AQP7B: variants seen among roughly 807,000 people sequenced by gnomAD.
AQP7B encodes aquaporin 7B.
At chr2:94,588,558 C>T in the AQP7B span, 1 of 808,004 alleles carries the variant, frequency 1.2e-6, no homozygotes, top group Admixed American at 2.2e-5. Flanking sequence ...GTAAGTACCC[C>T]ACCCTCTTCT....
the AQP7B span, among the ~76,000 whole-genome samples, chr2:94,597,674 G>A: frequency 6.7e-3 from 978 of 145,440 alleles, 13 homozygotes; most frequent in African/African-American, 0.024. Flanking sequence ...GTGCAATCTC[G>A]GCTCACTGCA....
the AQP7B span, among the ~76,000 whole-genome samples, chr2:94,590,048 C>A: frequency 1.3e-5 from 2 of 152,224 alleles, no homozygotes; most frequent in East Asian, 3.8e-4. Context: ...CCCCTGAGCT[C>A]CCCCAGTCCC....
chr2:94,604,375 C>A, the AQP7B span: 39 of 1,611,512 alleles, frequency 2.4e-5, no homozygotes, highest in Non-Finnish European at 3.2e-5. Context: ...TCTTCATTGG[C>A]TCCACCATCC....
chr2:94,594,923 A>G, the AQP7B span: 30 of 1,099,822 alleles, frequency 2.7e-5, no homozygotes, highest in African/African-American at 3.1e-4. Flanking sequence ...AGGGCTGTCC[A>G]TGACCCCCTC....
the AQP7B span, chr2:94,602,545 C>T: frequency 1.2e-6 from 2 of 1,603,938 alleles, no homozygotes; most frequent in South Asian, 1.1e-5. Context: ...CATATGGGAG[C>T]TACCTTGGTG....
At chr2:94,595,743 G>C in the AQP7B span, among the ~76,000 whole-genome samples, 5 of 152,118 alleles carry the variant, frequency 3.3e-5, no homozygotes, top group African/African-American at 9.7e-5. Flanking sequence ...GAATCGGGGA[G>C]ACTCTGCCAG....
At chr2:94,594,776 C>A in the AQP7B span, 57 of 1,579,404 alleles carry the variant, frequency 3.6e-5, no homozygotes, top group Non-Finnish European at 4.4e-5. Context: ...GTCTCCTGGT[C>A]CGTGATAGCA....
chr2:94,602,693 C>A, the AQP7B span: 1 of 1,420,820 alleles, frequency 7.0e-7, no homozygotes, highest in Non-Finnish European at 9.7e-7. Flanking sequence ...CCTCAGCCAG[C>A]TCCTTTCCCA....
the AQP7B span, among the ~76,000 whole-genome samples, chr2:94,599,637 C>G: frequency 6.6e-6 from 1 of 152,140 alleles, no homozygotes; most frequent in Non-Finnish European, 1.5e-5. Context: ...CTGCACCAAT[C>G]CAGCTGTCCA....
At chr2:94,602,406 G>T in the AQP7B span, 63 of 1,365,432 alleles carry the variant, frequency 4.6e-5, 2 homozygotes, top group South Asian at 8.3e-4. Flanking sequence ...AGGGCATGGG[G>T]GTGAGGAGCT....
chr2:94,593,001 T>A, the AQP7B span, among the ~76,000 whole-genome samples: 1 of 151,760 alleles, frequency 6.6e-6, no homozygotes, highest in African/African-American at 2.4e-5. Flanking sequence ...TTTTTGTATT[T>A]TTTTTTCGTA....
the AQP7B span, among the ~76,000 whole-genome samples, chr2:94,597,342 C>A: frequency 1.3e-5 from 2 of 152,178 alleles, no homozygotes; most frequent in Non-Finnish European, 2.9e-5. Context: ...TAGGCACTGC[C>A]CACATGCTTG....
At chr2:94,591,749 C>T in the AQP7B span, among the ~76,000 whole-genome samples, 95 of 152,250 alleles carry the variant, frequency 6.2e-4, no homozygotes, top group East Asian at 7.6e-3. Context: ...GTCAGTCCTA[C>T]GCCCAGAGTG....
chr2:94,598,532 T>A, the AQP7B span, among the ~76,000 whole-genome samples: 1,717 of 152,252 alleles, frequency 0.011, 37 homozygotes, highest in African/African-American at 0.039. Context: ...GCAGCAACTC[T>A]GGGCGGTGGG....
chr2:94,598,054 C>G, the AQP7B span, among the ~76,000 whole-genome samples: 2 of 152,142 alleles, frequency 1.3e-5, no homozygotes, highest in African/African-American at 2.4e-5. Context: ...GCCTCAGTTT[C>G]CCCATTTATA....
the AQP7B span, among the ~76,000 whole-genome samples, chr2:94,592,047 G>A: frequency 6.6e-6 from 1 of 152,178 alleles, no homozygotes; most frequent in East Asian, 1.9e-4. Context: ...GCTGGTTGGT[G>A]GTTATCTGTT....
At chr2:94,595,087 A>G in the AQP7B span, among the ~76,000 whole-genome samples, 23 of 152,258 alleles carry the variant, frequency 1.5e-4, no homozygotes, top group Admixed American at 1.2e-3. Flanking sequence ...GAAACCATGC[A>G]CTGGGGTATC....
At chr2:94,592,300 G>T in the AQP7B span, among the ~76,000 whole-genome samples, 1 of 152,170 alleles carries the variant, frequency 6.6e-6, no homozygotes, top group Non-Finnish European at 1.5e-5. Flanking sequence ...TAAGCAGAGG[G>T]AATGAGAGAC....
At chr2:94,600,876 CAAAAAAAAA>C in the AQP7B span, among the ~76,000 whole-genome samples, 1 of 84,596 alleles carries the variant, frequency 1.2e-5, no homozygotes, top group Non-Finnish European at 2.6e-5. Flanking sequence ...AAGACTGTCT[CAAAAAAAAA>C]AAAAAAAAAA....
Sources: allele counts gnomAD v4.1 joint callset (sites outside exome capture counted in the v4.1 genomes callset), GRCh38; gene constraint gnomAD v4.1.1; transcripts MANE v1.5; gene names NCBI Gene and HGNC (gene_info 2026-07-23, HGNC 2026-07-21).